The following RIPOR2 variants were observed in gnomAD, a reference collection of about 807,000 sequenced individuals.
RIPOR2 encodes the protein RHO family interacting cell polarization regulator 2, also known as rho family-interacting cell polarization regulator 2.
Under a neutral mutation model 114.5 loss-of-function variants are expected in RIPOR2, and 39 were observed. That is an observed-to-expected ratio of 0.34 (90% CI 0.26 to 0.44). The LOEUF is 0.44. Among genes scored for constraint, RIPOR2 ranks in the 20% least tolerant of loss-of-function variants. The pLI is 1.00. For synonymous variants in RIPOR2, 445 were observed against 484.4 expected (o/e 0.92, Z 1.07); for missense variants, 1,007 against 1,255.1 (o/e 0.80, Z 2.99).
At chr6:24,967,974 G>A (rs956470494) in intron 1 of RIPOR2, among the ~76,000 whole-genome samples, 2 of 146,964 alleles carry the variant, frequency 1.4e-5, no homozygotes, top group South Asian at 4.3e-4. Flanking sequence ...GTGTAGTGGC[G>A]TGATCTCAGC....
intron 1 of RIPOR2, among the ~76,000 whole-genome samples, chr6:24,915,582 C>A (rs1336732382): frequency 2.0e-5 from 3 of 152,166 alleles, no homozygotes; most frequent in Non-Finnish European, 4.4e-5. Context: ...CCAGGCTGGT[C>A]TCAAACTCCT....
intron 1 of RIPOR2, among the ~76,000 whole-genome samples, chr6:25,014,263 G>A (rs190768358): frequency 6.6e-6 from 1 of 152,316 alleles, no homozygotes; most frequent in East Asian, 1.9e-4. Flanking sequence ...TCCTAATGTA[G>A]TTAATTTTCC....
chr6:25,016,493 T>A (rs1776009443), intron 1 of RIPOR2, among the ~76,000 whole-genome samples: 1 of 152,214 alleles, frequency 6.6e-6, no homozygotes. Flanking sequence ...TTACTGCACT[T>A]AAGCATTCCA....
At chr6:24,845,224 G>A (rs745798522) in intron 12 of RIPOR2, among the ~76,000 whole-genome samples, 11 of 152,120 alleles carry the variant, frequency 7.2e-5, no homozygotes, top group Non-Finnish European at 1.6e-4. Context: ...TGTTGGTGTG[G>A]TGGGCTCTGG....
intron 1 of RIPOR2, among the ~76,000 whole-genome samples, chr6:24,994,816 C>A (rs1357305326): frequency 6.6e-6 from 1 of 152,196 alleles, no homozygotes; most frequent in Non-Finnish European, 1.5e-5. Context: ...CTTGCCCCAT[C>A]TCTACTTGAG....
intron 1 of RIPOR2, among the ~76,000 whole-genome samples, chr6:25,009,175 G>A (rs1051817711): frequency 1.4e-4 from 22 of 152,218 alleles, no homozygotes; most frequent in Non-Finnish European, 2.1e-4. Context: ...CTCGCAGTAG[G>A]GAGCACAAAG....
intron 1 of RIPOR2, among the ~76,000 whole-genome samples, chr6:24,916,755 A>C (rs992142050): frequency 2.0e-5 from 3 of 152,188 alleles, no homozygotes; most frequent in Admixed American, 2.0e-4. Flanking sequence ...TTTCCTTGCC[A>C]TTGTCACACA....
intron 1 of RIPOR2, among the ~76,000 whole-genome samples, chr6:24,978,838 ACATT>A (rs1296716896): frequency 1.3e-5 from 2 of 152,204 alleles, no homozygotes; most frequent in African/African-American, 2.4e-5. Context: ...TTCTCAGTAA[ACATT>A]CATTCCTACT....
At chr6:24,998,857 G>C (rs1775163646) in intron 1 of RIPOR2, among the ~76,000 whole-genome samples, 1 of 142,460 alleles carries the variant, frequency 7.0e-6, no homozygotes, top group Non-Finnish European at 1.5e-5. Flanking sequence ...ATTGGACAAT[G>C]TGGAACTTTA....
intron 1 of RIPOR2, among the ~76,000 whole-genome samples, chr6:24,902,437 G>A (rs1385140101): frequency 6.6e-6 from 1 of 151,944 alleles, no homozygotes; most frequent in African/African-American, 2.4e-5. Flanking sequence ...GGCTGGTCTC[G>A]AACTCCTGAC....
At chr6:24,973,142 A>G (rs1319676349) in intron 1 of RIPOR2, among the ~76,000 whole-genome samples, 1 of 152,228 alleles carries the variant, frequency 6.6e-6, no homozygotes, top group African/African-American at 2.4e-5. Flanking sequence ...TCTCCAAAAA[A>G]CATATTTAAA....
At chr6:25,008,153 T>A (rs1323933246) in intron 1 of RIPOR2, among the ~76,000 whole-genome samples, 1 of 152,134 alleles carries the variant, frequency 6.6e-6, no homozygotes, top group Non-Finnish European at 1.5e-5. Flanking sequence ...CATGCTAGTC[T>A]CTAGAACTGC....
rs536095977 is a variant in RIPOR2 at position 24,926,240 on chromosome 6, C to T, written c.61+9598G>A. On this transcript the variant is annotated intron_variant, in intron 1 of 21. Transcript: ENST00000643898. Reference sequence around the variant, plus strand: ...AAAGTGGTGATGGGGGAGGCAGTGCCTCTGATGTGTTTACCACAAGTAAAT... The same window carrying T: ...AAAGTGGTGATGGGGGAGGCAGTGCTTCTGATGTGTTTACCACAAGTAAAT... Among the ~76,000 whole-genome samples the T allele has an allele frequency of 4.6e-5, 7 of 152,262 alleles. No homozygotes were observed. The East Asian group carries it at 1.2e-3, about 25-fold the overall frequency.
At chr6:25,014,797 T>C (rs1366555485) in intron 1 of RIPOR2, among the ~76,000 whole-genome samples, 3 of 152,164 alleles carry the variant, frequency 2.0e-5, no homozygotes, top group Admixed American at 6.5e-5. Flanking sequence ...CAAATTATTA[T>C]GAGTTGAAAT....
chr6:24,915,793 C>G (rs1770030607), intron 1 of RIPOR2, among the ~76,000 whole-genome samples: 1 of 152,224 alleles, frequency 6.6e-6, no homozygotes, highest in Non-Finnish European at 1.5e-5. Context: ...ACTGATGGTT[C>G]TGGCACAGTC....
intron 1 of RIPOR2, among the ~76,000 whole-genome samples, chr6:24,880,712 T>C (rs1766259922): frequency 6.6e-6 from 1 of 152,208 alleles, no homozygotes; most frequent in Non-Finnish European, 1.5e-5. Flanking sequence ...AAATATTGTA[T>C]TAGGCTTTAT....
chr6:25,004,122 C>T (rs911393689), intron 1 of RIPOR2, among the ~76,000 whole-genome samples: 9 of 152,142 alleles, frequency 5.9e-5, no homozygotes, highest in Admixed American at 5.9e-4. Flanking sequence ...GTCTCAACTT[C>T]CTGAGACTTA....
At chr6:24,958,245 A>T (rs1773135550) in intron 1 of RIPOR2, among the ~76,000 whole-genome samples, 1 of 152,252 alleles carries the variant, frequency 6.6e-6, no homozygotes. Flanking sequence ...CATCTACTAA[A>T]TAATGTTGAC....
At chr6:24,988,817 GC>G (rs1414827948) in intron 1 of RIPOR2, among the ~76,000 whole-genome samples, 2 of 152,104 alleles carry the variant, frequency 1.3e-5, no homozygotes, top group East Asian at 3.8e-4. Context: ...AAGTTTTATT[GC>G]CCATTCATTT....
Sources: allele counts gnomAD v4.1 joint callset (sites outside exome capture counted in the v4.1 genomes callset), GRCh38; gene constraint gnomAD v4.1.1; transcripts MANE v1.5; gene names NCBI Gene and HGNC (gene_info 2026-07-23, HGNC 2026-07-21).